PLEC: variants seen among roughly 807,000 people sequenced by gnomAD.
PLEC encodes plectin.
PLEC carries 216 observed loss-of-function variants against 392.8 expected under a neutral mutation model. The ratio of observed to expected loss-of-function variants is 0.55; its 90% CI spans 0.49 to 0.62. The LOEUF is 0.62. Among genes scored for constraint, PLEC ranks in the 20% least tolerant of loss-of-function variants. PLEC has a pLI of 0.00. For synonymous variants in PLEC, 3,621 were observed against 2,980.6 expected, an observed-to-expected ratio of 1.21 and a Z score of -7.00; for missense variants, 6,863 against 6,563.4, an observed-to-expected ratio of 1.05 and a Z score of -1.58.
In PLEC at chr8:143,922,802, A is replaced by AGCTGCC; in HGVS notation, c.7121_7126dup (p.Arg2374_Gln2375dup). ...GCGCTCAGCCTCAGCGCTCATCTCC[A>AGCTGCC]GCTGCCGCTGCCGCTCGGCCTCCAG... On this transcript the variant is annotated inframe_insertion, in exon 31 of 32. Transcript: ENST00000345136. 6.3e-7 allele frequency: 1 copy of AGCTGCC among 1,590,390 alleles called. No homozygotes were observed. The highest frequency in any genetic ancestry group is 8.5e-7 in the Non-Finnish European group (1 of 1,171,596).
exon 1 of PLEC, chr8:143,950,441 G>C: frequency 6.2e-7 from 1 of 1,602,326 alleles, no homozygotes; most frequent in Non-Finnish European, 8.5e-7. Flanking sequence ...GATCTCTGGC[G>C]GCAGGTGCAG....
chr8:143,975,403 C>T, upstream of PLEC: 1 of 1,590,262 alleles, frequency 6.3e-7, no homozygotes, highest in Non-Finnish European at 8.5e-7. This position sits in a 1 kb window ranked among gnomAD's most constrained non-coding sequence, Gnocchi z 9.9. Flanking sequence ...GGGGTCACAT[C>T]TCTGCCTGTT....
intron 1 of PLEC, among the ~76,000 whole-genome samples, chr8:143,946,945 A>T (rs1831563236): frequency 6.6e-6 from 1 of 152,050 alleles, no homozygotes; most frequent in Non-Finnish European, 1.5e-5. Context: ...GTCCAGGGGC[A>T]ATGGTGACAC....
chr8:143,922,007 T>TGCTGCTCCTCCAGGAGCTGCA lies in PLEC; in HGVS notation c.7793_7813dup (p.Leu2598_Gln2604dup). ...CTCTGAGTGCGCCAGCGCGGCCCGG[T>TGCTGCTCCTCCAGGAGCTGCA]GCTGCTCCTCCAGGAGCTGCAGCTG... On this transcript the variant is annotated inframe_insertion, in exon 32 of 32. Transcript: ENST00000345136. The TGCTGCTCCTCCAGGAGCTGCA allele has an allele frequency of 1.9e-6, 3 of 1,598,118 alleles. No homozygotes were observed. The highest frequency in any genetic ancestry group is 2.5e-6 in the Non-Finnish European group (3 of 1,179,610).
In PLEC at chr8:143,925,733, T is replaced by C. The variant is rs782078419; in HGVS notation, c.4196A>G (p.Glu1399Gly). 6.3e-7 allele frequency: 1 copy of C among 1,595,544 alleles called. No individual in the cohort carries two copies. Among genetic ancestry groups the C allele is most frequent in the South Asian group, 1.1e-5 (1 of 90,726 alleles). Residue 1399 changes from glutamate (E) to glycine (G), a missense_variant, in exon 31 of 32, where the codon GAG becomes GGG. Coordinates refer to ENST00000345136, the MANE Select transcript of PLEC (RefSeq NM_201384.3). Reference sequence around the variant, plus strand: ...CGCCTCCTCCCGCCGCACCACCTCCTCCTGCATGCGCTGCTGCAGCTCCTT... The same window carrying C: ...CGCCTCCTCCCGCCGCACCACCTCCCCCTGCATGCGCTGCTGCAGCTCCTT... ...EAKELQQRMQEEVVRREEAAV... is the reference protein window; with the variant it reads ...EAKELQQRMQGEVVRREEAAV...
chr8:143,975,308 C>G (rs782155173), upstream of PLEC: 1 of 1,611,714 alleles, frequency 6.2e-7, no homozygotes, highest in Non-Finnish European at 8.5e-7. This position sits in a 1 kb window ranked among gnomAD's most constrained non-coding sequence, Gnocchi z 9.9. Context: ...GCTGGGCGAG[C>G]CACTGCTTCC....
chr8:143,938,385 C>G, intron 2 of PLEC, 145 bp from the exon 3 acceptor site: 1 of 1,535,548 alleles, frequency 6.5e-7, no homozygotes, highest in African/African-American at 1.4e-5. Context: ...ACACCCTGCC[C>G]CACGGAGGCA....
chr8:143,920,201 A>G lies in PLEC; in HGVS notation c.9620T>C (p.Leu3207Pro), dbSNP rs1554680988. ...CTTTTCTGAGAGCGGCAGCAGGCTC[A>G]GCCCGGTCAGCTGGTCGGGCCGGCA... is the stretch of plus-strand genomic sequence containing the variant. ...QRCRPDQLTG[L>P]SLLPLSEKAA... Residue 3207 changes from leucine to proline, a missense_variant, in exon 32 of 32, where the codon CTG (leucine) becomes CCG (proline). Coordinates refer to ENST00000345136, the MANE Select transcript of PLEC (RefSeq NM_201384.3). 1.2e-6 allele frequency: 2 copies of G among 1,609,582 alleles called. No individual in the cohort carries two copies. Among genetic ancestry groups the G allele is most frequent in the Admixed American group, 1.7e-5 (1 of 59,936 alleles).
In PLEC at chr8:143,936,889, C is replaced by G. The variant is rs73377221; in HGVS notation, c.435+90G>C. 1.6e-3 allele frequency: 1,703 copies of G among 1,042,752 alleles called. 23 individuals are homozygous for G. The African/African-American group carries it at 0.024, about 15-fold the overall frequency. 64.6% of individuals were successfully genotyped at this position (1,042,752 alleles called of 1,614,324 possible). A position where few individuals can be genotyped will look rare whatever the true frequency, so the allele number is the denominator to read the frequency against. ...AGTCACCTCCCAGGCCACGCCCTAG[C>G]CAGAAAGCGGATCAACCCGCCAGCC... is the stretch of plus-strand genomic sequence containing the variant. On this transcript the variant is annotated intron_variant, in intron 5 of 31. Coordinates refer to ENST00000345136, the MANE Select transcript of PLEC (RefSeq NM_201384.3).
intron 1 of PLEC, among the ~76,000 whole-genome samples, chr8:143,960,343 C>T (rs1554740458): frequency 6.6e-6 from 1 of 151,396 alleles, no homozygotes; most frequent in African/African-American, 2.4e-5. Context: ...TTAGGCCAAG[C>T]CCAGTGGCTC....
chr8:143,916,325 G>C lies in PLEC; in HGVS notation c.13496C>G (p.Ala4499Gly). 6.3e-7 allele frequency: 1 copy of C among 1,588,830 alleles called. No individual in the cohort carries two copies. The change falls in exon 32 of 32, where the codon GCC becomes GGC. Residue 4499 changes from alanine to glycine, a missense_variant. By Grantham distance (60) the Ala-to-Gly change is moderately conservative (BLOSUM62 0). Coordinates refer to ENST00000345136, the MANE Select transcript of PLEC (RefSeq NM_201384.3). ...SRTGSRTGSR[A>G]GSRRGSFDAT... ...GTCAAAGCTGCCGCGGCGGGAGCCG[G>C]CCCGGGAGCCGGTGCGCGAGCCGGT... is the stretch of plus-strand genomic sequence containing the variant.
chr8:143,929,053 A>G (rs1554710071), intron 25 of PLEC, 50 bp downstream of exon 25: 2 of 1,506,594 alleles, frequency 1.3e-6, no homozygotes, highest in South Asian at 2.4e-5. Context: ...CCCTCACCCC[A>G]GCACCCCCCA....
rs1828149793 is a variant in PLEC, at chr8:143,933,925, G to A, written c.1263+73C>T. 18 of 1,359,256 alleles carry A rather than the reference G, an allele frequency of 1.3e-5. No homozygotes were observed. The East Asian group carries it at 4.5e-4, about 34-fold the overall frequency. 84.2% of individuals were successfully genotyped at this position (1,359,256 alleles called of 1,614,324 possible). ...AGCCCAGGGGGACAGCCCCCTCCTGGCTTTAGGGCTGCAGGGCGGGGCAGG... is the reference window on the plus strand; with the variant it reads ...AGCCCAGGGGGACAGCCCCCTCCTGACTTTAGGGCTGCAGGGCGGGGCAGG... On this transcript the variant is annotated intron_variant, in intron 12 of 31. Transcript: ENST00000345136.
At position 143,961,568 on chromosome 8, in the gene PLEC, C is replaced by G. The variant is rs571024003; in HGVS notation, c.70+11835G>C. On this transcript the variant is annotated intron_variant, in intron 1 of 31. Coordinates refer to the PLEC transcript ENST00000356346. The stretch of plus-strand genomic sequence containing the variant: ...ACAGTCATAGAGATGCACAATGACC[C>G]AGCTACAACACTGTTCACTGCAGTC... 2.6e-5 allele frequency among the ~76,000 whole-genome samples: 4 copies of G among 152,234 alleles called. No homozygotes were observed. The South Asian group carries it at 8.3e-4, about 32-fold the overall frequency.
At chr8:143,975,373 C>T, upstream of PLEC, 3 of 1,606,950 alleles carry the variant, frequency 1.9e-6, no homozygotes, top group South Asian at 2.2e-5. The surrounding 1 kb of genome is among the most constrained non-coding windows in gnomAD (Gnocchi z 9.9). Context: ...CCGACATGGC[C>T]TCCTGGAAGG....
rs781921057 is a variant in PLEC at position 143,923,918 on chromosome 8, C to T, written c.6011G>A (p.Arg2004Gln). ...CTCGACTTCCTCCAGCGCCGCCTTC[C>T]GCTGCCGTGCGGCCTCCTCCTCGGC... ...LAAEEEAARQ[R>Q]KAALEEVERL... The change falls in exon 31 of 32, where the codon CGG (arginine) becomes CAG (glutamine). Residue 2004 changes from arginine (R) to glutamine (Q), a missense_variant. Physicochemically the swap from Arg to Gln is conservative, Grantham distance 43. Coordinates refer to ENST00000345136, the MANE Select transcript of PLEC (RefSeq NM_201384.3). The T allele has an allele frequency of 2.1e-5, 34 of 1,594,862 alleles. No homozygotes were observed. Among genetic ancestry groups the T allele is most frequent in the East Asian group, 6.7e-5 (3 of 44,708 alleles).
At position 143,927,433 on chromosome 8, in the gene PLEC, G is replaced by T. The variant is rs367688739; in HGVS notation, c.3733C>A (p.Arg1245=). ...AMPLADSQAV[R]EQLRQEQALL... is the part of the protein sequence containing the mutation. ...ACCTGCTCCTGCCGCAGCTGCTCCC[G>T]CACAGCCTGGCTGTCGGCCAGCGGC... Residue 1245 remains arginine (R), a synonymous_variant, in exon 27 of 32, where the codon CGG becomes AGG. Transcript: ENST00000345136. 408 of 1,600,350 alleles carry T rather than the reference G, an allele frequency of 2.5e-4. 1 individual carries two copies. Among genetic ancestry groups the T allele is most frequent in the Non-Finnish European group, 2.3e-4 (272 of 1,178,564 alleles).
rs1827786336 is a variant in PLEC at position 143,932,799 on chromosome 8, A to C, written c.1731T>G (p.Ser577Arg). The C allele has an allele frequency of 1.2e-6, 2 of 1,611,470 alleles. No homozygotes were observed. The highest frequency in any genetic ancestry group is 1.7e-6 in the Non-Finnish European group (2 of 1,179,610). ...EFRAKIERARSDEGQLSPATR... is the reference protein window; with the variant it reads ...EFRAKIERARRDEGQLSPATR... ...ATCGCTCAGCGCCACCCACCTCGTCACTCCGTGCCCGCTCGATCTTGGCCC... is the reference window on the plus strand; with the variant it reads ...ATCGCTCAGCGCCACCCACCTCGTCCCTCCGTGCCCGCTCGATCTTGGCCC... The change falls in exon 14 of 32, where the codon AGT becomes AGG. Residue 577 changes from serine to arginine, a missense_variant. Coordinates refer to ENST00000345136, the MANE Select transcript of PLEC (RefSeq NM_201384.3).
Position 143,938,158 on chromosome 8 carries a change from T to TC in PLEC, c.256dup (p.Asp86GlyfsTer38), listed in dbSNP as rs1829558022. 2.5e-6 allele frequency: 4 copies of TC among 1,603,560 alleles called. No homozygotes were observed. The highest frequency in any genetic ancestry group is 3.4e-6 in the Non-Finnish European group (4 of 1,177,572). On this transcript the variant is annotated frameshift_variant, in exon 3 of 32. Transcript: ENST00000345136. LOFTEE classifies it high-confidence loss of function. ...GGGCAGGGGCACACGTACCAGGCTG[T>TC]CCCCCGAGAGGACCTCCAGCAGGGA... is the stretch of plus-strand genomic sequence containing the variant.
Sources: gnomAD v4.1 joint callset for allele counts (sites outside exome capture counted in the v4.1 genomes callset) on GRCh38, gnomAD v4.1.1 for gene constraint, Gnocchi (gnomAD v3.1) non-coding constraint, MANE v1.5 for transcripts, NCBI Gene and HGNC (gene_info 2026-07-23, HGNC 2026-07-21) for gene names.